The following JMJD1C variants were observed in gnomAD, a reference collection of about 807,000 sequenced individuals.
JMJD1C encodes the protein jumonji domain-containing protein 1C.
A neutral mutation model predicts 245.3 loss-of-function variants in JMJD1C; 31 were observed. The observed-to-expected ratio is 0.13, with a 90% CI of 0.09 to 0.17. The LOEUF (loss-of-function observed/expected upper bound fraction) is 0.17, where lower values mean the gene tolerates loss of function less well. Ranked by LOEUF, JMJD1C falls within the 10% of genes least tolerant of loss-of-function variation. JMJD1C has a pLI of 1.00. For missense variants in JMJD1C, 2,691 were observed against 3,000.2 expected, an observed-to-expected ratio of 0.90 and a Z score of 2.41; for synonymous variants, 1,057 against 1,017.4, an observed-to-expected ratio of 1.04 and a Z score of -0.74.
chr10:63,329,111 G>GT (rs1275851023), intron 2 of JMJD1C, among the ~76,000 whole-genome samples: 1 of 151,662 alleles, frequency 6.6e-6, no homozygotes, highest in Non-Finnish European at 1.5e-5. Context: ...GTAAAACCCC[G>GT]TTTCTACAAA....
At chr10:63,357,683 T>C (rs1944963164) in intron 2 of JMJD1C, among the ~76,000 whole-genome samples, 1 of 152,164 alleles carries the variant, frequency 6.6e-6, no homozygotes, top group South Asian at 2.1e-4. Flanking sequence ...AGTTACCTAT[T>C]TGTGTCAGAC....
chr10:63,431,141 A>G (rs1423768736), intron 1 of JMJD1C, among the ~76,000 whole-genome samples: 1 of 152,208 alleles, frequency 6.6e-6, no homozygotes, highest in Non-Finnish European at 1.5e-5. Flanking sequence ...ATAACCAAGT[A>G]TATCTACTGG....
At chr10:63,482,971 A>T (rs1024573534) in intron 1 of JMJD1C, among the ~76,000 whole-genome samples, 3 of 152,222 alleles carry the variant, frequency 2.0e-5, no homozygotes, top group Non-Finnish European at 2.9e-5. Context: ...TGTAATTACT[A>T]TGTATGGTTA....
At chr10:63,221,649 C>G (rs1848608252) in intron 3 of JMJD1C, among the ~76,000 whole-genome samples, 1 of 152,172 alleles carries the variant, frequency 6.6e-6, no homozygotes, top group Non-Finnish European at 1.5e-5. Flanking sequence ...CTTAGAAAGT[C>G]CTATCAGACT....
At chr10:63,180,048 G>A (rs1589065965) in intron 22 of JMJD1C, among the ~76,000 whole-genome samples, 1 of 152,106 alleles carries the variant, frequency 6.6e-6, no homozygotes, top group Non-Finnish European at 1.5e-5. Flanking sequence ...CGCCCAGGCT[G>A]AAGTGCTGGG....
chr10:63,265,408 T>C (rs1023394647), intron 2 of JMJD1C, among the ~76,000 whole-genome samples: 2 of 152,034 alleles, frequency 1.3e-5, no homozygotes, highest in Admixed American at 1.3e-4. Context: ...CTACTTCTTT[T>C]AAAAAAAGTC....
intron 2 of JMJD1C, among the ~76,000 whole-genome samples, chr10:63,355,568 G>A (rs931767846): frequency 6.6e-6 from 1 of 152,038 alleles, no homozygotes; most frequent in Non-Finnish European, 1.5e-5. Context: ...GCTACTCTTG[G>A]AAGAGAAAAA....
rs549356188 is a variant in JMJD1C, at chr10:63,490,264, A to C, written n.113+31474T>G. ...CCCAGACTCTTGACCTACTGAGCTC[A>C]TTCTCAATTTTTAGGCCTCAGCTCA... On this transcript the variant is annotated intron_variant and non_coding_transcript_variant, in intron 1 of 3. Coordinates refer to the JMJD1C transcript ENST00000633035. Among the ~76,000 whole-genome samples the C allele has an allele frequency of 6.6e-5, 10 of 152,182 alleles. No individual in the cohort carries two copies. In the South Asian group the frequency reaches 2.1e-3, roughly 32 times the overall value.
intron 1 of JMJD1C, among the ~76,000 whole-genome samples, chr10:63,404,322 C>G (rs560499919): frequency 3.3e-5 from 5 of 151,944 alleles, no homozygotes; most frequent in African/African-American, 1.2e-4. Flanking sequence ...CAAACGAGAC[C>G]AAAAAAAGCA....
chr10:63,329,181 C>T (rs1941858737), intron 2 of JMJD1C, among the ~76,000 whole-genome samples: 1 of 151,490 alleles, frequency 6.6e-6, no homozygotes, highest in South Asian at 2.1e-4. Flanking sequence ...ACTCAGGAGA[C>T]TGAGGTGGGA....
At position 63,290,076 on chromosome 10, in the gene JMJD1C, G is replaced by A. The variant is rs1858461364; in HGVS notation, c.334-25312C>T. Reference sequence around the variant, plus strand: ...TTCTTTGAAAATATATAAATTACATGACTGTTTTGGAAAGCACCAAAAGAA... The same window carrying A: ...TTCTTTGAAAATATATAAATTACATAACTGTTTTGGAAAGCACCAAAAGAA... On this transcript the variant is annotated intron_variant, in intron 2 of 25. Transcript: ENST00000399262. Among the ~76,000 whole-genome samples, 7 of 152,058 alleles carry A rather than the reference G, an allele frequency of 4.6e-5. No homozygotes were observed. The South Asian group carries it at 1.5e-3, about 32-fold the overall frequency.
intron 2 of JMJD1C, among the ~76,000 whole-genome samples, chr10:63,317,633 G>A (rs899849146): frequency 2.0e-5 from 3 of 151,936 alleles, no homozygotes; most frequent in Admixed American, 1.3e-4. Context: ...AAAACATTTC[G>A]TACATTATTT....
chr10:63,337,299 G>A (rs891518648), intron 2 of JMJD1C, among the ~76,000 whole-genome samples: 24 of 150,936 alleles, frequency 1.6e-4, no homozygotes, highest in Admixed American at 2.7e-4. Context: ...AAAATTAGCC[G>A]GGCGTGGTGG....
At chr10:63,196,954 G>A (rs1457578744) in intron 13 of JMJD1C, among the ~76,000 whole-genome samples, 1 of 151,850 alleles carries the variant, frequency 6.6e-6, no homozygotes, top group African/African-American at 2.4e-5. Context: ...ACACCACCAT[G>A]CGCAGCTCAT....
chr10:63,245,133 CAAAAAAA>C (rs71025133), intron 3 of JMJD1C, among the ~76,000 whole-genome samples: 6 of 65,698 alleles, frequency 9.1e-5, no homozygotes, highest in African/African-American at 1.6e-4. Context: ...GACTCTGTCT[CAAAAAAA>C]AAAAAAAAAA....
intron 2 of JMJD1C, among the ~76,000 whole-genome samples, chr10:63,342,224 A>G (rs1007133167): frequency 3.9e-5 from 6 of 152,242 alleles, no homozygotes; most frequent in South Asian, 2.1e-4. Context: ...AGTGATTATA[A>G]TAAGTGACAA....
At chr10:63,455,722 A>G (rs1348577523) in intron 1 of JMJD1C, among the ~76,000 whole-genome samples, 14 of 152,098 alleles carry the variant, frequency 9.2e-5, no homozygotes, top group Non-Finnish European at 2.1e-4. Flanking sequence ...AAACTGATAA[A>G]ATCAGTGGTG....
intron 1 of JMJD1C, among the ~76,000 whole-genome samples, chr10:63,432,774 A>G (rs1950836330): frequency 6.6e-6 from 1 of 152,248 alleles, no homozygotes; most frequent in South Asian, 2.1e-4. Flanking sequence ...TAGAACAGCC[A>G]TAAGAAGCAT....
chr10:63,354,303 A>C (rs1213127662), intron 2 of JMJD1C, among the ~76,000 whole-genome samples: 1 of 152,230 alleles, frequency 6.6e-6, no homozygotes, highest in African/African-American at 2.4e-5. Context: ...CTAGTTTTTA[A>C]TCTAATGAAA....
Sources: gnomAD v4.1 joint callset for allele counts (sites outside exome capture counted in the v4.1 genomes callset) on GRCh38, gnomAD v4.1.1 for gene constraint, MANE v1.5 for transcripts, NCBI Gene and HGNC (gene_info 2026-07-23, HGNC 2026-07-21) for gene names.